NFS1: variants seen among roughly 807,000 people sequenced by gnomAD.
NFS1 encodes the protein cysteine desulfurase.
Under a neutral mutation model 57.3 loss-of-function variants are expected in NFS1, and 26 were observed. That is an observed-to-expected ratio of 0.45 (90% CI 0.33 to 0.63). The LOEUF is 0.63. Among genes scored for constraint, NFS1 ranks in the 20% least tolerant of loss-of-function variants. The pLI is 0.02. For synonymous variants in NFS1, 209 were observed against 216.3 expected, an observed-to-expected ratio of 0.97 and a Z score of 0.30; for missense variants, 505 against 605.8, an observed-to-expected ratio of 0.83 and a Z score of 1.75.
chr20:35,681,902 G>A lies in NFS1; in HGVS notation c.641C>T (p.Pro214Leu). 6.2e-7 allele frequency: 1 copy of A among 1,608,924 alleles called. No individual in the cohort carries two copies. The highest frequency in any genetic ancestry group is 8.5e-7 in the Non-Finnish European group (1 of 1,175,410). ...ATGATACTCACCTATTTCTGCAATAGGCTGCTTCACTCCAATCTCATTGTT... is the reference window on the plus strand; with the variant it reads ...ATGATACTCACCTATTTCTGCAATAAGCTGCTTCACTCCAATCTCATTGTT... Reference protein sequence around the residue: ...TVNNEIGVKQPIAEIGRICSS... With the variant: ...TVNNEIGVKQLIAEIGRICSS... Residue 214 changes from proline (P) to leucine (L), a missense_variant, in exon 6 of 13, where the codon CCT (proline) becomes CTT (leucine). By Grantham distance (98) the Pro-to-Leu change is moderately conservative. Transcript: ENST00000374092.
intron 8 of NFS1, 63 bp downstream of exon 8, chr20:35,674,982 G>A: frequency 6.3e-7 from 1 of 1,594,594 alleles, no homozygotes; most frequent in South Asian, 1.1e-5. Context: ...ATGCTGAGAA[G>A]CCTCTAAATA....
chr20:35,688,912 A>C (rs541996834), intron 5 of NFS1, among the ~76,000 whole-genome samples: 1 of 152,352 alleles, frequency 6.6e-6, no homozygotes, highest in Admixed American at 6.5e-5. Context: ...AATGTAAATA[A>C]GATGAAAAAG....
In NFS1 at chr20:35,669,274, G is replaced by A. The variant is rs1298569477; in HGVS notation, c.*348C>T. ...ACGAAGACTCAAATGTCCATGTAGA[G>A]CATCATGGTCCCTGACCAAAGAGAC... On this transcript the variant is annotated 3_prime_UTR_variant, in exon 13 of 13. Transcript: ENST00000374092. 1 of 200,028 alleles carries A rather than the reference G, an allele frequency of 5.0e-6. No individual in the cohort carries two copies. The highest frequency in any genetic ancestry group is 1.2e-4 in the East Asian group (1 of 8,488). 12.4% of individuals were successfully genotyped at this position (200,028 alleles called of 1,614,324 possible). A position where few individuals can be genotyped will look rare whatever the true frequency, so the allele number is the denominator to read the frequency against.
In NFS1 at chr20:35,673,453, T is replaced by C. The variant is rs1601517023; in HGVS notation, c.1220+148A>G. ...ATACTCAATGAAGTCTGAGAACCACTGCTCTAGAAACTTTCACAAGGTTAT... is the reference window on the plus strand; with the variant it reads ...ATACTCAATGAAGTCTGAGAACCACCGCTCTAGAAACTTTCACAAGGTTAT... On this transcript the variant is annotated intron_variant, in intron 11 of 12. Transcript: ENST00000374092. 3 of 614,162 alleles carry C rather than the reference T, an allele frequency of 4.9e-6. No homozygotes were observed. The South Asian group carries it at 6.0e-5, about 12-fold the overall frequency. The allele number at this position is 614,162 out of a possible 1,614,324, so 38.0% of individuals were successfully genotyped here.
At chr20:35,689,863 G>C (rs2035012412) in intron 5 of NFS1, among the ~76,000 whole-genome samples, 1 of 150,750 alleles carries the variant, frequency 6.6e-6, no homozygotes, top group East Asian at 1.9e-4. Flanking sequence ...ACTTGAACCC[G>C]GGAGGTGGAG....
Position 35,684,104 on chromosome 20 carries a change from A to G in NFS1, c.562-2123T>C, listed in dbSNP as rs528894305. Among the ~76,000 whole-genome samples, 255 of 150,810 alleles carry G rather than the reference A, an allele frequency of 1.7e-3. 1 individual carries two copies. Among genetic ancestry groups the G allele is most frequent in the African/African-American group, 6.0e-3 (245 of 40,974 alleles). The stretch of plus-strand genomic sequence containing the variant: ...CTCCAGCTGGGGCGACCAGAGCAAA[A>G]CTCTGTCTCAAAAATAAAATAGGCT... On this transcript the variant is annotated intron_variant, in intron 5 of 12. Coordinates refer to ENST00000374092, the MANE Select transcript of NFS1 (RefSeq NM_021100.5).
chr20:35,697,268 C>T (rs888475408), intron 3 of NFS1, among the ~76,000 whole-genome samples: 46 of 151,226 alleles, frequency 3.0e-4, no homozygotes, highest in Non-Finnish European at 5.6e-4. Flanking sequence ...CACTGCACTC[C>T]AGTCTGGGCA....
intron 5 of NFS1, 36 bp downstream of exon 5, chr20:35,690,377 T>G (rs767117687): frequency 6.2e-7 from 1 of 1,600,678 alleles, no homozygotes; most frequent in South Asian, 1.1e-5. Context: ...GCCAGGCTCC[T>G]CCATTTTTGC....
intron 5 of NFS1, among the ~76,000 whole-genome samples, chr20:35,689,725 G>T (rs754755098): frequency 6.7e-6 from 1 of 149,990 alleles, no homozygotes; most frequent in African/African-American, 2.5e-5. Flanking sequence ...AGCCAAGATC[G>T]CGCCACTGCA....
At chr20:35,679,754 T>C (rs2034816739) in intron 7 of NFS1, among the ~76,000 whole-genome samples, 1 of 152,024 alleles carries the variant, frequency 6.6e-6, no homozygotes, top group Non-Finnish European at 1.5e-5. Context: ...TACACCCAGA[T>C]AACACACCCT....
chr20:35,674,991 T>C, intron 8 of NFS1, 54 bp downstream of exon 8: 2 of 1,608,132 alleles, frequency 1.2e-6, no homozygotes, highest in Middle Eastern at 1.7e-4. Context: ...AGCCTCTAAA[T>C]AGGAGACCCA....
chr20:35,683,871 T>C (rs1326982227), intron 5 of NFS1, among the ~76,000 whole-genome samples: 1 of 150,126 alleles, frequency 6.7e-6, no homozygotes, highest in Non-Finnish European at 1.5e-5. Context: ...CTCACGCCTG[T>C]AATCCCAGCA....
At chr20:35,672,159 C>T (rs1393988969) in intron 12 of NFS1, among the ~76,000 whole-genome samples, 5 of 151,850 alleles carry the variant, frequency 3.3e-5, no homozygotes, top group African/African-American at 9.7e-5. Flanking sequence ...GGGGTTTCAA[C>T]GTGTTAGCCA....
intron 5 of NFS1, 97 bp from the exon 6 acceptor site, chr20:35,682,078 T>C (rs1443433397): frequency 1.6e-6 from 1 of 607,368 alleles, no homozygotes; most frequent in African/African-American, 1.8e-5. Flanking sequence ...AGTCTTATAC[T>C]ACATACCTAT....
chr20:35,675,405 AG>A (rs1434140251), intron 7 of NFS1: 11 of 626,192 alleles, frequency 1.8e-5, no homozygotes, highest in Non-Finnish European at 3.1e-5. Context: ...GATAAATGCC[AG>A]AAGGAGTAAT....
At chr20:35,693,196 G>A (rs1349061264) in intron 4 of NFS1, among the ~76,000 whole-genome samples, 2 of 151,908 alleles carry the variant, frequency 1.3e-5, no homozygotes, top group Non-Finnish European at 2.9e-5. Context: ...TCTGCCTCCC[G>A]AGTTCAAGCA....
chr20:35,670,484 A>G (rs1347951837), intron 12 of NFS1, among the ~76,000 whole-genome samples: 1 of 152,220 alleles, frequency 6.6e-6, no homozygotes, highest in Admixed American at 6.5e-5. Context: ...AAATTTCATT[A>G]TATTCTTGAC....
rs2034609801 is a variant in NFS1, at chr20:35,669,002, T to G, written c.*620A>C. On this transcript the variant is annotated 3_prime_UTR_variant, in exon 13 of 13. Coordinates refer to ENST00000374092, the MANE Select transcript of NFS1 (RefSeq NM_021100.5). ...GAGTTTATTTCTCCAGTCTTGAAAT[T>G]AACAATTTTCAAGAAAACAAATTAT... The G allele has an allele frequency of 6.6e-6, 1 of 152,180 alleles. No homozygotes were observed. The highest frequency in any genetic ancestry group is 2.4e-5 in the African/African-American group (1 of 41,442). The allele number at this position is 152,180 out of a possible 1,614,324, so 9.4% of individuals were successfully genotyped here.
chr20:35,675,124 C>T lies in NFS1; in HGVS notation c.869G>A (p.Gly290Asp), dbSNP rs1435682209. The change falls in exon 8 of 13, where the codon GGT becomes GAT. Residue 290 changes from glycine to aspartate, a missense_variant. Physicochemically the swap from Gly to Asp is moderately conservative, Grantham distance 94. Coordinates refer to ENST00000374092, the MANE Select transcript of NFS1 (RefSeq NM_021100.5). Reference sequence around the variant, plus strand: ...TGTGGGCACTGTCCCAGACCGCATACCCCGCTCCTGCCCCCCTCCACTCTG... The same window carrying T: ...TGTGGGCACTGTCCCAGACCGCATATCCCGCTCCTGCCCCCCTCCACTCTG... ...ALQSGGGQERGMRSGTVPTPL... is the reference protein window; with the variant it reads ...ALQSGGGQERDMRSGTVPTPL... 2 of 1,613,936 alleles carry T rather than the reference C, an allele frequency of 1.2e-6. No individual in the cohort carries two copies. The highest frequency in any genetic ancestry group is 1.3e-5 in the African/African-American group (1 of 74,942).
Sources: gnomAD v4.1 joint callset for allele counts (sites outside exome capture counted in the v4.1 genomes callset) on GRCh38, gnomAD v4.1.1 for gene constraint, MANE v1.5 for transcripts, NCBI Gene and HGNC (gene_info 2026-07-23, HGNC 2026-07-21) for gene names.